ELOVL6: variants seen among roughly 807,000 people sequenced by gnomAD.
ELOVL6 encodes the protein ELOVL fatty acid elongase 6.
A neutral mutation model predicts 31.7 loss-of-function variants in ELOVL6; 8 were observed. The observed-to-expected ratio is 0.25, with a 90% CI of 0.15 to 0.45. The LOEUF is 0.45. ELOVL6 is among the 20% of genes least tolerant of loss of function. The pLI is 1.00. For missense variants in ELOVL6, 126 were observed against 326.4 expected, an observed-to-expected ratio of 0.39 and a Z score of 4.73; for synonymous variants, 101 against 117.7, an observed-to-expected ratio of 0.86 and a Z score of 0.92.
At chr4:110,084,586 ATATTT>A (rs1450218196) in intron 2 of ELOVL6, among the ~76,000 whole-genome samples, 23 of 39,576 alleles carry the variant, frequency 5.8e-4, no homozygotes, top group African/African-American at 3.5e-3. Flanking sequence ...ATATATATAT[ATATTT>A]TTTTTTTTTT....
chr4:110,171,117 T>C (rs1560855794), intron 1 of ELOVL6, among the ~76,000 whole-genome samples: 1 of 152,030 alleles, frequency 6.6e-6, no homozygotes, highest in Non-Finnish European at 1.5e-5. Context: ...AGTCAATGAG[T>C]ATTAGGTTGG....
At chr4:110,079,802 G>A (rs1367788218) in intron 2 of ELOVL6, among the ~76,000 whole-genome samples, 2 of 152,146 alleles carry the variant, frequency 1.3e-5, no homozygotes, top group African/African-American at 4.8e-5. Context: ...GAATCCAGGA[G>A]CTGGTTTTTT....
At chr4:110,155,250 TG>T (rs1440581064) in intron 1 of ELOVL6, among the ~76,000 whole-genome samples, 1 of 152,118 alleles carries the variant, frequency 6.6e-6, no homozygotes, top group African/African-American at 2.4e-5. Flanking sequence ...TTATTATGAT[TG>T]TTTTTTAAGA....
chr4:110,157,541 T>C (rs1277141746), intron 1 of ELOVL6, among the ~76,000 whole-genome samples: 1 of 151,544 alleles, frequency 6.6e-6, no homozygotes, highest in Non-Finnish European at 1.5e-5. Context: ...CGTGGTGGCA[T>C]GCACCTGTAG....
At chr4:110,086,962 G>GGTCT (rs1192027408) in intron 2 of ELOVL6, among the ~76,000 whole-genome samples, 1 of 152,032 alleles carries the variant, frequency 6.6e-6, no homozygotes. Flanking sequence ...TTCCTTTGCA[G>GGTCT]GTCTGTTGTG....
intron 3 of ELOVL6, among the ~76,000 whole-genome samples, chr4:110,056,944 C>A (rs993810320): frequency 1.3e-5 from 2 of 152,164 alleles, no homozygotes; most frequent in Non-Finnish European, 2.9e-5. Context: ...AGCATCAACA[C>A]AACCAAGATA....
intron 1 of ELOVL6, among the ~76,000 whole-genome samples, chr4:110,135,838 C>G (rs938988573): frequency 2.0e-5 from 3 of 152,166 alleles, no homozygotes; most frequent in African/African-American, 7.2e-5. Context: ...ATAAAAAATT[C>G]TAGAAGAGAG....
intron 2 of ELOVL6, among the ~76,000 whole-genome samples, chr4:110,062,580 G>C (rs1314590503): frequency 1.3e-5 from 2 of 152,250 alleles, no homozygotes; most frequent in East Asian, 3.8e-4. Context: ...ACTTTAAGGT[G>C]AAGAGGCTTT....
At chr4:110,181,875 C>A (rs1304834018) in intron 1 of ELOVL6, among the ~76,000 whole-genome samples, 1 of 152,190 alleles carries the variant, frequency 6.6e-6, no homozygotes, top group Non-Finnish European at 1.5e-5. Flanking sequence ...CTGGACTAGA[C>A]AGACTGGCCC....
chr4:110,193,527 C>T (rs149604520), intron 1 of ELOVL6, among the ~76,000 whole-genome samples: 160 of 152,246 alleles, frequency 1.1e-3, no homozygotes, highest in African/African-American at 3.7e-3. Context: ...ATCACTGGAA[C>T]CCGGAGGCAG....
chr4:110,178,268 C>A (rs1406680277), intron 1 of ELOVL6, among the ~76,000 whole-genome samples: 3 of 152,090 alleles, frequency 2.0e-5, no homozygotes, highest in Admixed American at 1.3e-4. Flanking sequence ...AGAAAACGAG[C>A]CGTGCACAGT....
chr4:110,124,602 C>T (rs1250668374), intron 1 of ELOVL6, among the ~76,000 whole-genome samples: 3 of 151,924 alleles, frequency 2.0e-5, no homozygotes, highest in South Asian at 2.1e-4. Context: ...AGCTAATGCA[C>T]GTGGGGCTTA....
chr4:110,070,676 C>T (rs529195311), intron 2 of ELOVL6, among the ~76,000 whole-genome samples: 2 of 152,230 alleles, frequency 1.3e-5, no homozygotes, highest in South Asian at 4.2e-4. Flanking sequence ...TCCCCCTTGC[C>T]GTTCTTGTGA....
intron 2 of ELOVL6, among the ~76,000 whole-genome samples, chr4:110,080,121 T>G (rs1755787585): frequency 6.6e-6 from 1 of 152,048 alleles, no homozygotes; most frequent in South Asian, 2.1e-4. Flanking sequence ...CCAAAAAAAG[T>G]CCAGGACCAG....
At position 110,198,427 on chromosome 4, in the gene ELOVL6, C is replaced by A. The variant is rs1759884268; in HGVS notation, c.-92G>T. ...TTTCGAGTGTTCTCCTGTCTGCTTC[C>A]CCCACCCACCCCCCTAGGTCTTCCC... On this transcript the variant is annotated 5_prime_UTR_variant, in exon 1 of 4. Coordinates refer to ENST00000302274, the MANE Select transcript of ELOVL6 (RefSeq NM_024090.3). 9.1e-6 allele frequency: 7 copies of A among 766,420 alleles called. No individual in the cohort carries two copies. The highest frequency in any genetic ancestry group is 4.1e-5 in the Admixed American group (2 of 49,344). The allele number at this position is 766,420 out of a possible 1,614,324, so 47.5% of individuals were successfully genotyped here.
At chr4:110,064,410 GT>G (rs960525767) in intron 2 of ELOVL6, among the ~76,000 whole-genome samples, 17 of 151,960 alleles carry the variant, frequency 1.1e-4, no homozygotes, top group Admixed American at 9.2e-4. Flanking sequence ...TACTTTGTGG[GT>G]GGGGGAGGGT....
At chr4:110,161,186 T>C (rs917990338) in intron 1 of ELOVL6, among the ~76,000 whole-genome samples, 3 of 152,176 alleles carry the variant, frequency 2.0e-5, no homozygotes, top group South Asian at 2.1e-4. Flanking sequence ...CTGAACAATA[T>C]AGAATGCAGA....
At chr4:110,134,366 T>A (rs1478593893) in intron 1 of ELOVL6, among the ~76,000 whole-genome samples, 1 of 152,144 alleles carries the variant, frequency 6.6e-6, no homozygotes, top group Non-Finnish European at 1.5e-5. Context: ...TTAAGCATGG[T>A]TTGGGAGGGA....
chr4:110,065,869 T>TA (rs992962369), intron 2 of ELOVL6, among the ~76,000 whole-genome samples: 1 of 151,978 alleles, frequency 6.6e-6, no homozygotes, highest in Non-Finnish European at 1.5e-5. Flanking sequence ...ATAGTTGATT[T>TA]AAAAAAAAAT....
Sources: allele counts gnomAD v4.1 joint callset (sites outside exome capture counted in the v4.1 genomes callset), GRCh38; gene constraint gnomAD v4.1.1; transcripts MANE v1.5; gene names NCBI Gene and HGNC (gene_info 2026-07-23, HGNC 2026-07-21).